CSNK2A2IP: variants seen among roughly 807,000 people sequenced by gnomAD.
The protein encoded by CSNK2A2IP is casein kinase 2 subunit alpha' interacting protein, also known as casein kinase II subunit alpha'-interacting protein.
the CSNK2A2IP span, among the ~76,000 whole-genome samples, chr3:88,447,130 G>A: frequency 6.6e-6 from 1 of 152,028 alleles, no homozygotes; most frequent in Admixed American, 6.6e-5. Flanking sequence ...TATATAATGA[G>A]TACTTACACT....
the CSNK2A2IP span, among the ~76,000 whole-genome samples, chr3:88,410,615 A>G: frequency 6.6e-6 from 1 of 152,086 alleles, no homozygotes; most frequent in South Asian, 2.1e-4. Context: ...CAGGTTAAAT[A>G]TAAATAATCT....
chr3:88,396,146 C>T, the CSNK2A2IP span, among the ~76,000 whole-genome samples: 2 of 149,430 alleles, frequency 1.3e-5, no homozygotes, highest in South Asian at 4.3e-4. Context: ...TCGCTGTCGC[C>T]CAGGCTGGAG....
At chr3:88,462,246 G>T in the CSNK2A2IP span, among the ~76,000 whole-genome samples, 1 of 151,582 alleles carries the variant, frequency 6.6e-6, no homozygotes, top group Non-Finnish European at 1.5e-5. Flanking sequence ...CTACTACTTT[G>T]TATGCTCTGT....
chr3:88,398,733 T>C, the CSNK2A2IP span, among the ~76,000 whole-genome samples: 3 of 152,166 alleles, frequency 2.0e-5, no homozygotes, highest in Non-Finnish European at 4.4e-5. Context: ...CTTGAGATAC[T>C]ATAAAGACAT....
At chr3:88,407,710 A>G in the CSNK2A2IP span, among the ~76,000 whole-genome samples, 2 of 140,470 alleles carry the variant, frequency 1.4e-5, no homozygotes, top group South Asian at 2.6e-4. Context: ...ATAGTGTGCA[A>G]TCTATTTATT....
the CSNK2A2IP span, chr3:88,465,913 C>T: frequency 1.8e-5 from 22 of 1,231,482 alleles, no homozygotes; most frequent in East Asian, 1.9e-4. Flanking sequence ...ATCATTATTT[C>T]GCCTCCAAAA....
chr3:88,462,665 G>C, the CSNK2A2IP span, among the ~76,000 whole-genome samples: 4 of 152,212 alleles, frequency 2.6e-5, no homozygotes, highest in Admixed American at 2.0e-4. Context: ...AATGGCTTGG[G>C]AGGGTGAAGC....
the CSNK2A2IP span, among the ~76,000 whole-genome samples, chr3:88,418,469 C>G: frequency 2.4e-5 from 3 of 125,430 alleles, no homozygotes; most frequent in Non-Finnish European, 5.3e-5. Context: ...TGTGTGCGCG[C>G]GGGCGTGTGT....
At chr3:88,354,758 T>C in the CSNK2A2IP span, among the ~76,000 whole-genome samples, 2 of 151,940 alleles carry the variant, frequency 1.3e-5, no homozygotes, top group Non-Finnish European at 2.9e-5. Flanking sequence ...CCCCATGAGA[T>C]TGGAAACAGA....
At chr3:88,466,914 A>T in the CSNK2A2IP span, 1 of 1,230,590 alleles carries the variant, frequency 8.1e-7, no homozygotes, top group African/African-American at 1.6e-5. Context: ...AAGTGAAATT[A>T]GTTCTTATCC....
the CSNK2A2IP span, among the ~76,000 whole-genome samples, chr3:88,436,627 A>C: frequency 6.6e-6 from 1 of 152,148 alleles, no homozygotes; most frequent in African/African-American, 2.4e-5. Context: ...GTTCATAATT[A>C]AAATAATTAA....
At chr3:88,387,345 ATT>A in the CSNK2A2IP span, among the ~76,000 whole-genome samples, 2 of 151,650 alleles carry the variant, frequency 1.3e-5, no homozygotes, top group Non-Finnish European at 2.9e-5. Context: ...TAATTTTTGT[ATT>A]TTTCGTAGAG....
At chr3:88,376,526 T>G in the CSNK2A2IP span, among the ~76,000 whole-genome samples, 158 of 151,998 alleles carry the variant, frequency 1.0e-3, no homozygotes, top group Middle Eastern at 3.4e-3. Flanking sequence ...TTCTCGTATT[T>G]CCTCCATGTA....
At chr3:88,416,763 C>T in the CSNK2A2IP span, among the ~76,000 whole-genome samples, 1 of 152,096 alleles carries the variant, frequency 6.6e-6, no homozygotes, top group Non-Finnish European at 1.5e-5. Flanking sequence ...AAGAAATATT[C>T]CTGAAATTCA....
the CSNK2A2IP span, among the ~76,000 whole-genome samples, chr3:88,440,610 G>A: frequency 1.3e-5 from 2 of 152,172 alleles, no homozygotes; most frequent in Non-Finnish European, 2.9e-5. Context: ...TCAACTTTAA[G>A]AGTACTAGAA....
At chr3:88,357,282 T>C in the CSNK2A2IP span, among the ~76,000 whole-genome samples, 2 of 152,172 alleles carry the variant, frequency 1.3e-5, no homozygotes, top group Non-Finnish European at 2.9e-5. Flanking sequence ...TTTTTTTATA[T>C]GACGTGAGAT....
the CSNK2A2IP span, among the ~76,000 whole-genome samples, chr3:88,395,171 T>C: frequency 6.6e-6 from 1 of 152,230 alleles, no homozygotes; most frequent in Non-Finnish European, 1.5e-5. Flanking sequence ...TTGTTAATGG[T>C]GTAATTTGAA....
the CSNK2A2IP span, among the ~76,000 whole-genome samples, chr3:88,430,819 C>T: frequency 3.0e-4 from 45 of 152,192 alleles, no homozygotes; most frequent in African/African-American, 1.1e-3. Context: ...TGCACCCTTC[C>T]TCATCCACAT....
chr3:88,376,373 G>C, the CSNK2A2IP span, among the ~76,000 whole-genome samples: 1 of 151,314 alleles, frequency 6.6e-6, no homozygotes, highest in African/African-American at 2.4e-5. Flanking sequence ...TTTTTTGAGT[G>C]AGGTGAATGA....
Sources: gnomAD v4.1 joint callset for allele counts (sites outside exome capture counted in the v4.1 genomes callset) on GRCh38, gnomAD v4.1.1 for gene constraint, MANE v1.5 for transcripts, NCBI Gene and HGNC (gene_info 2026-07-23, HGNC 2026-07-21) for gene names.